Variants in MSH3 observed in about 807,000 individuals in gnomAD.
The protein encoded by MSH3 is DNA mismatch repair protein Msh3.
MSH3 carries 106 observed loss-of-function variants against 123.3 expected under a neutral mutation model. That is an observed-to-expected ratio of 0.86 (90% CI 0.73 to 1.01). The LOEUF (loss-of-function observed/expected upper bound fraction) is 1.01. Among genes scored for constraint, MSH3 ranks in the 50% least tolerant of loss-of-function variants. The pLI is 0.00. For missense variants in MSH3, 1,459 were observed against 1,347.6 expected (o/e 1.08, Z -1.29); for synonymous variants, 515 against 481.4 (o/e 1.07, Z -0.91).
At chr5:80,846,063 G>T (rs1745714495) in intron 20 of MSH3, among the ~76,000 whole-genome samples, 2 of 152,272 alleles carry the variant, frequency 1.3e-5, no homozygotes, top group East Asian at 1.9e-4. Context: ...GTTCTTTGAT[G>T]TTGGTGACCT....
At position 80,654,974 on chromosome 5, in the gene MSH3, G is replaced by C. The variant is rs1408513447; in HGVS notation, c.237+10G>C. The C allele has an allele frequency of 6.9e-7, 1 of 1,443,246 alleles. No individual in the cohort carries two copies. Among genetic ancestry groups the C allele is most frequent in the Admixed American group, 2.8e-5 (1 of 35,386 alleles). 89.4% of individuals were successfully genotyped at this position (1,443,246 alleles called of 1,614,324 possible). A position where few individuals can be genotyped will look rare whatever the true frequency, so the allele number is the denominator to read the frequency against. ...GCTGCCGCCGCACATAGTAGGTTCT[G>C]TCTGGGACTGGGCAGGGCCATCGGG... On this transcript the variant is annotated intron_variant, in intron 1 of 23. Transcript: ENST00000265081.
chr5:80,746,814 G>A (rs998480327), intron 12 of MSH3: 10 of 339,208 alleles, frequency 2.9e-5, no homozygotes, highest in Admixed American at 7.7e-5. Flanking sequence ...CTTAATTGAC[G>A]GCATGGTGTT....
intron 20 of MSH3, among the ~76,000 whole-genome samples, chr5:80,849,182 A>C (rs1348791231): frequency 6.6e-6 from 1 of 152,176 alleles, no homozygotes; most frequent in Admixed American, 6.5e-5. Flanking sequence ...CTGATGCAAG[A>C]GGTGGGTTCC....
Position 80,788,741 on chromosome 5 carries a change from T to C in MSH3, c.2543+1069T>C, listed in dbSNP as rs184109810. 8.3e-3 allele frequency among the ~76,000 whole-genome samples: 1,244 copies of C among 149,716 alleles called. 17 individuals are homozygous for C. The highest frequency in any genetic ancestry group is 0.028 in the African/African-American group (1,141 of 40,596). ...TTGCTTGAGCTCAGAAGTTTGAGGC[T>C]GCAGTGAGCCATGATAGTGCCCATG... On this transcript the variant is annotated intron_variant, in intron 18 of 23. Coordinates refer to ENST00000265081, the MANE Select transcript of MSH3 (RefSeq NM_002439.5).
chr5:80,735,212 C>T (rs1363150632), intron 10 of MSH3, among the ~76,000 whole-genome samples: 4 of 152,036 alleles, frequency 2.6e-5, no homozygotes, highest in South Asian at 2.1e-4. Flanking sequence ...GGCGAAACCC[C>T]GTCTCTACTG....
At chr5:80,800,299 T>TG (rs1253873061) in intron 19 of MSH3, among the ~76,000 whole-genome samples, 1 of 152,218 alleles carries the variant, frequency 6.6e-6, no homozygotes, top group Non-Finnish European at 1.5e-5. Context: ...GCTCTGTGTG[T>TG]GGCCTCCTTA....
chr5:80,676,087 A>G (rs939019091), intron 7 of MSH3, among the ~76,000 whole-genome samples: 1 of 152,072 alleles, frequency 6.6e-6, no homozygotes, highest in Admixed American at 6.5e-5. Context: ...CTGGAGTGCA[A>G]TGGCGTGATC....
chr5:80,799,374 C>T (rs962961544), intron 19 of MSH3, among the ~76,000 whole-genome samples: 4 of 152,030 alleles, frequency 2.6e-5, no homozygotes, highest in African/African-American at 7.2e-5. Flanking sequence ...TTGACATTTT[C>T]GAGGAATAAA....
chr5:80,836,566 A>G (rs245376), intron 20 of MSH3, among the ~76,000 whole-genome samples: 102,054 of 144,726 alleles, frequency 0.71, 36,317 homozygotes, highest in South Asian at 0.8. Flanking sequence ...AAAAAAAAAA[A>G]GCTCTGAATT....
intron 10 of MSH3, among the ~76,000 whole-genome samples, chr5:80,734,354 T>C (rs1458024085): frequency 6.6e-6 from 1 of 152,176 alleles, no homozygotes; most frequent in Non-Finnish European, 1.5e-5. Flanking sequence ...TTTGGAGTGA[T>C]AGTATCTAGA....
chr5:80,876,055 G>A lies in MSH3; in HGVS notation c.*193G>A, dbSNP rs913755734. On this transcript the variant is annotated 3_prime_UTR_variant, in exon 24 of 24. Coordinates refer to ENST00000265081, the MANE Select transcript of MSH3 (RefSeq NM_002439.5). ...GTTTCTGTCTTCCTAACTTTTCTAC[G>A]TATAAACACTCTTGAATAGACTTCC... is the stretch of plus-strand genomic sequence containing the variant. 1.7e-4 allele frequency: 102 copies of A among 589,076 alleles called. No homozygotes were observed. Among genetic ancestry groups the A allele is most frequent in the African/African-American group, 1.3e-3 (68 of 53,732 alleles). 36.5% of individuals were successfully genotyped at this position (589,076 alleles called of 1,614,324 possible).
chr5:80,678,760 T>G (rs550443853), intron 7 of MSH3, among the ~76,000 whole-genome samples, 167 bp from the exon 8 acceptor site: 1 of 152,316 alleles, frequency 6.6e-6, no homozygotes, highest in Non-Finnish European at 1.5e-5. Flanking sequence ...AGTCTGACTC[T>G]TCGTGTAAGA....
rs550265919 is a variant in MSH3 at position 80,692,031 on chromosome 5, A to C, written c.1340+12938A>C. Among the ~76,000 whole-genome samples the C allele has an allele frequency of 9.2e-5, 4 of 43,488 alleles. No individual in the cohort carries two copies. In the East Asian group the frequency reaches 2.4e-3, roughly 26 times the overall value. 28.5% of individuals were successfully genotyped at this position (43,488 alleles called of 152,430 possible). A position where few individuals can be genotyped will look rare whatever the true frequency, so the allele number is the denominator to read the frequency against. Reference sequence around the variant, plus strand: ...CATGTATATGTTTAGATAGATAAACAGTATGTTTAGATAGATAAACATGTA... The same window carrying C: ...CATGTATATGTTTAGATAGATAAACCGTATGTTTAGATAGATAAACATGTA... On this transcript the variant is annotated intron_variant, in intron 8 of 23. Transcript: ENST00000265081.
chr5:80,855,053 C>T (rs759719732), intron 21 of MSH3, among the ~76,000 whole-genome samples: 1 of 152,110 alleles, frequency 6.6e-6, no homozygotes, highest in Non-Finnish European at 1.5e-5. Flanking sequence ...ATACATGTCT[C>T]CTTTTTTTCA....
chr5:80,838,228 T>C (rs1225104567), intron 20 of MSH3, among the ~76,000 whole-genome samples: 1 of 152,218 alleles, frequency 6.6e-6, no homozygotes, highest in East Asian at 1.9e-4. Flanking sequence ...GGGGTCACTA[T>C]AGAGCATGTC....
chr5:80,806,293 T>C (rs1393365868), intron 19 of MSH3, among the ~76,000 whole-genome samples: 1 of 151,990 alleles, frequency 6.6e-6, no homozygotes, highest in African/African-American at 2.4e-5. Flanking sequence ...AGACGGGGTT[T>C]CTCCATGTTG....
intron 20 of MSH3, among the ~76,000 whole-genome samples, chr5:80,846,593 A>C (rs1192262399): frequency 6.6e-6 from 1 of 151,886 alleles, no homozygotes; most frequent in Non-Finnish European, 1.5e-5. Flanking sequence ...CTTTGTTTAC[A>C]CTGTGAGCTA....
At chr5:80,823,700 GT>G in intron 20 of MSH3, among the ~76,000 whole-genome samples, 1 of 151,364 alleles carries the variant, frequency 6.6e-6, no homozygotes. Flanking sequence ...GTTTTGTTTT[GT>G]TTTGTTTTGT....
rs115168717 is a variant in MSH3 at position 80,691,383 on chromosome 5, A to G, written c.1340+12290A>G. Among the ~76,000 whole-genome samples the G allele has an allele frequency of 2.6e-3, 393 of 152,100 alleles. 2 individuals are homozygous for G. The highest frequency in any genetic ancestry group is 8.9e-3 in the African/African-American group (368 of 41,566). ...TATTATCTAAGACTCTATTTACCAA[A>G]AAGAAAATAAGGTCTTAACGAAAAT... On this transcript the variant is annotated intron_variant, in intron 8 of 23. Transcript: ENST00000265081.
Sources: allele counts gnomAD v4.1 joint callset (sites outside exome capture counted in the v4.1 genomes callset), GRCh38; gene constraint gnomAD v4.1.1; transcripts MANE v1.5; gene names NCBI Gene and HGNC (gene_info 2026-07-23, HGNC 2026-07-21).